SETDB1: variants seen among roughly 807,000 people sequenced by gnomAD.
The protein encoded by SETDB1 is SET domain bifurcated histone lysine methyltransferase 1, also known as histone-lysine N-methyltransferase SETDB1.
Under a neutral mutation model 137.4 loss-of-function variants are expected in SETDB1, and 31 were observed. The ratio of observed to expected loss-of-function variants is 0.23; its 90% confidence interval spans 0.17 to 0.30. The LOEUF is 0.30. SETDB1 is among the 10% of genes least tolerant of loss of function. The pLI is 1.00. For synonymous variants in SETDB1, 548 were observed against 579.9 expected (o/e 0.95, Z 0.79); for missense variants, 1,113 against 1,631.5 (o/e 0.68, Z 5.47).
chr1:150,939,251 A>AAT (rs1553239580), intron 3 of SETDB1, among the ~76,000 whole-genome samples: 1 of 107,190 alleles, frequency 9.3e-6, no homozygotes, highest in African/African-American at 3.5e-5. Flanking sequence ...TGCACCCAGC[A>AAT]TTTTTTTTTT....
At chr1:150,934,313 A>C (rs903049661) in intron 3 of SETDB1, among the ~76,000 whole-genome samples, 8 of 152,140 alleles carry the variant, frequency 5.3e-5, no homozygotes, top group Non-Finnish European at 1.2e-4. Context: ...TCTACTAAAA[A>C]TACAAAAAAA....
rs1310285196 is a variant in SETDB1 at position 150,961,003 on chromosome 1, G to GT, written c.2945dup (p.Ala983GlyfsTer8). The GT allele has an allele frequency of 6.2e-7, 1 of 1,613,706 alleles. No homozygotes were observed. The highest frequency in any genetic ancestry group is 8.5e-7 in the Non-Finnish European group (1 of 1,180,008). On this transcript the variant is annotated frameshift_variant, in exon 16 of 22. Coordinates refer to ENST00000692827, the MANE Select transcript of SETDB1 (RefSeq NM_001366418.1). LOFTEE classifies it high-confidence loss of function. ...CTCCGAAGAGACACCCAAGAACAAG[G>GT]TGGCCTCATGGTTGAGCTGCAATAG...
At chr1:150,933,722 A>G (rs1203365940) in intron 3 of SETDB1, among the ~76,000 whole-genome samples, 1 of 149,700 alleles carries the variant, frequency 6.7e-6, no homozygotes, top group Admixed American at 6.6e-5. Context: ...AACATTTCAG[A>G]AAACCACTGT....
At chr1:150,940,935 T>C (rs908859271) in intron 4 of SETDB1, among the ~76,000 whole-genome samples, 3 of 150,720 alleles carry the variant, frequency 2.0e-5, no homozygotes, top group South Asian at 4.2e-4. Flanking sequence ...GAGGCAGAGG[T>C]TGCGGTGAAC....
intron 3 of SETDB1, among the ~76,000 whole-genome samples, chr1:150,930,730 G>T (rs2867297): frequency 0.44 from 66,277 of 151,270 alleles, 15,162 homozygotes; most frequent in African/African-American, 0.55. Flanking sequence ...TAGAGACAGG[G>T]TTTCATCATC....
At chr1:150,938,584 G>A (rs1040937222) in intron 3 of SETDB1, among the ~76,000 whole-genome samples, 4 of 151,652 alleles carry the variant, frequency 2.6e-5, no homozygotes, top group Non-Finnish European at 4.4e-5. Flanking sequence ...TACAACCTCC[G>A]CCTCCCAGGT....
chr1:150,960,152 A>G (rs1670777511), intron 15 of SETDB1, among the ~76,000 whole-genome samples: 1 of 151,614 alleles, frequency 6.6e-6, no homozygotes, highest in African/African-American at 2.4e-5. Flanking sequence ...TAGAGCGGGT[A>G]TTGATGGAAT....
At chr1:150,934,334 G>C (rs770005807) in intron 3 of SETDB1, among the ~76,000 whole-genome samples, 2 of 151,980 alleles carry the variant, frequency 1.3e-5, no homozygotes, top group African/African-American at 4.8e-5. Context: ...TTAGCTGGGC[G>C]TAGTGGCGGG....
chr1:150,943,332 T>TG (rs1191951068), intron 7 of SETDB1, among the ~76,000 whole-genome samples: 1 of 152,014 alleles, frequency 6.6e-6, no homozygotes, highest in Non-Finnish European at 1.5e-5. Flanking sequence ...AAGAAAGAAA[T>TG]GGAGACTAAA....
At chr1:150,933,756 TTTTTCTTTTTCTTTTTCTTTTTC>T (rs1358320441) in intron 3 of SETDB1, among the ~76,000 whole-genome samples, 10 of 21,800 alleles carry the variant, frequency 4.6e-4, no homozygotes, top group African/African-American at 9.7e-4. Context: ...TTTCTTTTTC[TTTTTCTTTTTCTTTTTCTTTTTC>T]TTTTTTTTTT....
At chr1:150,930,615 G>T (rs1669701677) in intron 3 of SETDB1, among the ~76,000 whole-genome samples, 1 of 125,788 alleles carries the variant, frequency 7.9e-6, no homozygotes, top group African/African-American at 3.0e-5. Context: ...TGCAACCTCT[G>T]CCTCCTGGGT....
chr1:150,940,139 A>G (rs1489901608), intron 4 of SETDB1, among the ~76,000 whole-genome samples, 165 bp downstream of exon 4: 1 of 152,216 alleles, frequency 6.6e-6, no homozygotes, highest in East Asian at 1.9e-4. Context: ...ATTCAAAAAG[A>G]GGTTAGCAAA....
chr1:150,955,893 A>G lies in SETDB1; in HGVS notation c.2334-3285A>G, dbSNP rs12094427. On this transcript the variant is annotated intron_variant, in intron 14 of 21. Transcript: ENST00000692827. ...CACTTGAGGTCAGGAGTTCGAGACC[A>G]GCCTAGCCAACATGGTGAAACCCTG... Among the ~76,000 whole-genome samples, 81 of 150,934 alleles carry G rather than the reference A, an allele frequency of 5.4e-4. 1 individual carries two copies. Among genetic ancestry groups the G allele is most frequent in the African/African-American group, 1.9e-3 (79 of 41,068 alleles).
Position 150,949,257 on chromosome 1 carries a change from C to A in SETDB1, c.1403C>A (p.Ser468Tyr), listed in dbSNP as rs777694245. 28 of 1,613,724 alleles carry A rather than the reference C, an allele frequency of 1.7e-5. No individual in the cohort carries two copies. The highest frequency in any genetic ancestry group is 1.6e-4 in the Middle Eastern group (1 of 6,084). The change falls in exon 11 of 22, where the codon TCC (serine) becomes TAC (tyrosine). Residue 468 changes from serine to tyrosine, a missense_variant. Around this residue, in one of 11 missense-constraint regions of SETDB1, gnomAD observed 192 missense variants for 198.1 expected, o/e 0.97. Coordinates refer to ENST00000692827, the MANE Select transcript of SETDB1 (RefSeq NM_001366418.1). ...APPFPPAPPLSPQAGDSESLE... is the reference protein window; with the variant it reads ...APPFPPAPPLYPQAGDSESLE... ...CCTTTCCCACCTGCTCCACCTCTAT[C>A]CCCCCAAGCAGGTGACAGTGAGTGA...
chr1:150,949,869 T>C (rs1670444741), intron 12 of SETDB1, among the ~76,000 whole-genome samples: 1 of 152,200 alleles, frequency 6.6e-6, no homozygotes, highest in Admixed American at 6.5e-5. Flanking sequence ...CAAAAAAACA[T>C]TGGTAGAAGA....
At chr1:150,957,679 A>C (rs1670685652) in intron 14 of SETDB1, among the ~76,000 whole-genome samples, 1 of 152,138 alleles carries the variant, frequency 6.6e-6, no homozygotes, top group African/African-American at 2.4e-5. Context: ...GATTACCTTT[A>C]ATGGTTGTTT....
At chr1:150,963,465 A>G in intron 19 of SETDB1, 65 bp from the exon 20 acceptor site, 1 of 1,307,076 alleles carries the variant, frequency 7.7e-7, no homozygotes, top group Non-Finnish European at 1.1e-6. Context: ...TAGAATGTCC[A>G]TTCATGATAG....
intron 4 of SETDB1, among the ~76,000 whole-genome samples, chr1:150,940,912 C>T (rs952930162): frequency 3.3e-5 from 5 of 151,988 alleles, no homozygotes; most frequent in East Asian, 1.9e-4. Context: ...ACAGGTGAAT[C>T]GCTTGAACCC....
At chr1:150,941,992 T>C (rs369199057) in intron 5 of SETDB1, among the ~76,000 whole-genome samples, 2 of 149,332 alleles carry the variant, frequency 1.3e-5, no homozygotes, top group African/African-American at 2.5e-5. Flanking sequence ...ATACAAAAAT[T>C]AGCCAGGCGT....
Sources: gnomAD v4.1 joint callset for allele counts (sites outside exome capture counted in the v4.1 genomes callset) on GRCh38, gnomAD v4.1.1 for gene constraint, gnomAD v4.1.1 regional missense constraint, MANE v1.5 for transcripts, NCBI Gene and HGNC (gene_info 2026-07-23, HGNC 2026-07-21) for gene names.